SPTLC3: variants seen among roughly 807,000 people sequenced by gnomAD.
SPTLC3 encodes the protein serine palmitoyltransferase 3.
Under a neutral mutation model 59.3 loss-of-function variants are expected in SPTLC3, and 36 were observed. The ratio of observed to expected loss-of-function variants is 0.61; its 90% CI spans 0.47 to 0.80. SPTLC3 has a LOEUF of 0.80. Ranked by LOEUF, SPTLC3 falls within the 30% of genes least tolerant of loss-of-function variation. The pLI is 0.00. For missense variants in SPTLC3, 625 were observed against 685.1 expected (o/e 0.91, Z 0.98); for synonymous variants, 257 against 240.8 (o/e 1.07, Z -0.62).
rs1248831206 is a variant in SPTLC3 at position 13,065,841 on chromosome 20, T to C, written c.304-6415T>C. Among the ~76,000 whole-genome samples, 3 of 84,510 alleles carry C rather than the reference T, an allele frequency of 3.5e-5. No individual in the cohort carries two copies. In the Admixed American group the frequency reaches 3.6e-4, roughly 10 times the overall value. The allele number at this position is 84,510 out of a possible 152,430, so 55.4% of individuals were successfully genotyped here. A position where few individuals can be genotyped will look rare whatever the true frequency, so the allele number is the denominator to read the frequency against. On this transcript the variant is annotated intron_variant, in intron 2 of 11. Transcript: ENST00000399002. ...ACAATATGATGCTTTGATATATATA[T>C]ACATTGTGAAATAATTATAACTGTC...
intron 1 of SPTLC3, among the ~76,000 whole-genome samples, chr20:13,019,023 G>C (rs1835382766): frequency 6.6e-6 from 1 of 152,142 alleles, no homozygotes; most frequent in Admixed American, 6.5e-5. Flanking sequence ...ATCTATCACA[G>C]TGCCATCTGA....
intron 11 of SPTLC3, chr20:13,164,523 A>G: frequency 1.8e-6 from 1 of 565,884 alleles, no homozygotes; most frequent in South Asian, 2.0e-5. Context: ...AATAAAATAA[A>G]CATTCATAGT....
At chr20:13,162,514 C>T (rs1307909562) in intron 11 of SPTLC3, among the ~76,000 whole-genome samples, 5 of 152,114 alleles carry the variant, frequency 3.3e-5, no homozygotes, top group South Asian at 2.1e-4. Context: ...TGGAAAATGA[C>T]CCTGATGAAC....
intron 6 of SPTLC3, among the ~76,000 whole-genome samples, chr20:13,095,840 C>T (rs962713265): frequency 2.0e-5 from 3 of 152,082 alleles, no homozygotes; most frequent in African/African-American, 2.4e-5. Context: ...CACTCTTGAT[C>T]GAAAGTTGGC....
At chr20:13,138,416 T>C (rs2038302069) in intron 9 of SPTLC3, among the ~76,000 whole-genome samples, 1 of 152,170 alleles carries the variant, frequency 6.6e-6, no homozygotes, top group Non-Finnish European at 1.5e-5. Flanking sequence ...ATGGCCCCAG[T>C]CAGAAAATTA....
At chr20:13,156,118 A>G (rs546624578) in intron 10 of SPTLC3, among the ~76,000 whole-genome samples, 1 of 152,200 alleles carries the variant, frequency 6.6e-6, no homozygotes. Flanking sequence ...TGGGGAAATG[A>G]TGTGTGTTGG....
intron 9 of SPTLC3, among the ~76,000 whole-genome samples, chr20:13,149,379 G>A (rs2038592190): frequency 6.6e-6 from 1 of 152,210 alleles, no homozygotes; most frequent in Non-Finnish European, 1.5e-5. Context: ...CACTCTTCAA[G>A]CAAGAATCTC....
chr20:13,091,060 T>C, intron 4 of SPTLC3, 23 bp from the exon 5 acceptor site: 2 of 1,612,428 alleles, frequency 1.2e-6, no homozygotes, highest in Non-Finnish European at 1.7e-6. Flanking sequence ...GAAGGCTCAC[T>C]TCTCATGTAA....
intron 2 of SPTLC3, among the ~76,000 whole-genome samples, chr20:13,063,732 C>T (rs1403356146): frequency 2.0e-5 from 3 of 151,442 alleles, no homozygotes; most frequent in African/African-American, 7.3e-5. Flanking sequence ...CAGCTCACTG[C>T]AAACCTTCTC....
At chr20:13,118,449 G>GA (rs940467763) in intron 8 of SPTLC3, among the ~76,000 whole-genome samples, 2,123 of 128,136 alleles carry the variant, frequency 0.017, 93 homozygotes, top group African/African-American at 0.062. Flanking sequence ...GAGGTTTGTG[G>GA]AAAAAAAAAA....
chr20:13,164,859 G>T lies in SPTLC3; in HGVS notation c.1651G>T (p.Glu551Ter). 1 of 1,612,524 alleles carries T rather than the reference G, an allele frequency of 6.2e-7. No homozygotes were observed. The highest frequency in any genetic ancestry group is 8.5e-7 in the Non-Finnish European group (1 of 1,179,220). ...CTATGATGAGACGAGCTTTGAACTC[G>T]AAGATTAAGTTTCCTGGTCCTGAAT... ...ELYDETSFEL[E>*]D Residue 551 changes from glutamate to a stop codon, truncating the protein, a stop_gained, in exon 12 of 12, where the codon GAA (glutamate) becomes TAA (stop). Coordinates refer to ENST00000399002, the MANE Select transcript of SPTLC3 (RefSeq NM_018327.4). LOFTEE classifies it high-confidence loss of function.
At chr20:13,080,449 A>G (rs1172903355) in intron 4 of SPTLC3, among the ~76,000 whole-genome samples, 8 of 147,470 alleles carry the variant, frequency 5.4e-5, no homozygotes, top group African/African-American at 1.0e-4. Context: ...CAGAGGTTGC[A>G]GTGAGCCGAG....
Position 13,154,050 on chromosome 20 carries a change from CAA to C in SPTLC3, c.1329_1330del (p.Arg444ThrfsTer12). On this transcript the variant is annotated frameshift_variant, in exon 10 of 12. Coordinates refer to ENST00000399002, the MANE Select transcript of SPTLC3 (RefSeq NM_018327.4). LOFTEE classifies it high-confidence loss of function. ...TGCGAAAAACACAAGATACTTCAGA[CAA>C]AGACTGCAGGAAATGGGATTCATTA... ...QLAKNTRYFR[Q>X]RLQEMGFIIY... The C allele has an allele frequency of 1.2e-6, 2 of 1,614,144 alleles. No individual in the cohort carries two copies. The highest frequency in any genetic ancestry group is 1.7e-6 in the Non-Finnish European group (2 of 1,179,998).
In SPTLC3 at chr20:13,093,554, C is replaced by T. The variant is rs377121180; in HGVS notation, c.803C>T (p.Thr268Ile). 41 of 1,613,268 alleles carry T rather than the reference C, an allele frequency of 2.5e-5. No individual in the cohort carries two copies. In the African/African-American group the frequency reaches 5.1e-4, roughly 20 times the overall value. The change falls in exon 6 of 12, where the codon ACC becomes ATC. Residue 268 changes from threonine to isoleucine, a missense_variant. By Grantham distance (89) the Thr-to-Ile change is moderately conservative. Transcript: ENST00000399002. Reference sequence around the variant, plus strand: ...CTTGGGGCCCGACTCTCAGGTGCAACCATAAGAATCTTCAAACACAACAGT... The same window carrying T: ...CTTGGGGCCCGACTCTCAGGTGCAATCATAAGAATCTTCAAACACAACAGT... ...LVLGARLSGA[T>I]IRIFKHNNTQ... is the part of the protein sequence containing the mutation.
intron 8 of SPTLC3, among the ~76,000 whole-genome samples, chr20:13,120,926 A>G (rs111277139): frequency 0.012 from 1,824 of 152,326 alleles, 41 homozygotes; most frequent in African/African-American, 0.042. Context: ...ACAGCCTAAC[A>G]TGGAGGAGTC....
At chr20:13,022,718 A>T (rs1399980995) in intron 1 of SPTLC3, among the ~76,000 whole-genome samples, 2 of 152,134 alleles carry the variant, frequency 1.3e-5, no homozygotes, top group Admixed American at 1.3e-4. Flanking sequence ...GTAGCAAAGA[A>T]TTCATGAGCA....
At chr20:13,103,428 TG>T (rs1329608246) in intron 6 of SPTLC3, among the ~76,000 whole-genome samples, 1 of 152,210 alleles carries the variant, frequency 6.6e-6, no homozygotes, top group East Asian at 1.9e-4. Context: ...GATATAGAGA[TG>T]GGGGGTAAGG....
intron 2 of SPTLC3, among the ~76,000 whole-genome samples, chr20:13,069,511 C>T (rs779074400): frequency 1.7e-4 from 26 of 152,140 alleles, no homozygotes; most frequent in Non-Finnish European, 2.8e-4. Flanking sequence ...CTAGACCCCT[C>T]GCATGCGCAG....
At chr20:13,052,401 G>A (rs948996329) in intron 2 of SPTLC3, among the ~76,000 whole-genome samples, 4 of 152,144 alleles carry the variant, frequency 2.6e-5, no homozygotes, top group African/African-American at 9.7e-5. Context: ...TCCCTCAGGC[G>A]CCTACACCAC....
Sources: allele counts gnomAD v4.1 joint callset (sites outside exome capture counted in the v4.1 genomes callset), GRCh38; gene constraint gnomAD v4.1.1; transcripts MANE v1.5; gene names NCBI Gene and HGNC (gene_info 2026-07-23, HGNC 2026-07-21).